The following EXD1 variants were observed in gnomAD, a reference collection of about 807,000 sequenced individuals.
EXD1 encodes piRNA biogenesis protein EXD1.
EXD1 carries 63 observed loss-of-function variants against 49.1 expected under a neutral mutation model. That is an observed-to-expected ratio of 1.28 (90% CI 1.05 to 1.58). The LOEUF (loss-of-function observed/expected upper bound fraction) is 1.58. Ranked by LOEUF, EXD1 falls within the 40% of genes most tolerant of loss-of-function variation. EXD1 has a pLI of 0.00. For missense variants in EXD1, 748 were observed against 666.0 expected, an observed-to-expected ratio of 1.12 and a Z score of -1.36; for synonymous variants, 234 against 239.2, an observed-to-expected ratio of 0.98 and a Z score of 0.20.
In EXD1 at chr15:41,212,324, G is replaced by A. The variant is rs1435634444; in HGVS notation, c.448-2737C>T. ...AAAAAAATAAGCCGGGCGTGGTGGCGGGCACCTGTAGTCCCAGCTACTCAG... is the reference window on the plus strand; with the variant it reads ...AAAAAAATAAGCCGGGCGTGGTGGCAGGCACCTGTAGTCCCAGCTACTCAG... On this transcript the variant is annotated intron_variant, in intron 6 of 11. Coordinates refer to ENST00000458580, the MANE Select transcript of EXD1 (RefSeq NM_001286441.2). Among the ~76,000 whole-genome samples, 13 of 151,836 alleles carry A rather than the reference G, an allele frequency of 8.6e-5. No individual in the cohort carries two copies. The South Asian group carries it at 2.1e-3, about 24-fold the overall frequency.
chr15:41,195,708 C>A, intron 9 of EXD1, 67 bp downstream of exon 9: 6 of 1,228,870 alleles, frequency 4.9e-6, no homozygotes, highest in East Asian at 2.6e-5. Flanking sequence ...ATCAGATGAC[C>A]AGATGAGCCC....
chr15:41,193,872 C>G (rs1053425352), intron 9 of EXD1, among the ~76,000 whole-genome samples: 2 of 151,898 alleles, frequency 1.3e-5, no homozygotes, highest in African/African-American at 4.8e-5. Flanking sequence ...CCAAAGATAA[C>G]TTCTTCATAA....
At chr15:41,189,073 G>C (rs574847254) in intron 11 of EXD1, among the ~76,000 whole-genome samples, 1 of 151,814 alleles carries the variant, frequency 6.6e-6, no homozygotes, top group Non-Finnish European at 1.5e-5. Context: ...TGCTGCATAA[G>C]AATAAATATG....
rs1338203660 is a variant in EXD1, at chr15:41,219,610, T to A, written c.202+220A>T. On this transcript the variant is annotated intron_variant, in intron 3 of 11. Coordinates refer to ENST00000458580, the MANE Select transcript of EXD1 (RefSeq NM_001286441.2). ...ATTCCTAACTGCCTGCTGGTCCGAG[T>A]CCGTAGTGATAAGCACCAGCACACC... 5.4e-5 allele frequency: 22 copies of A among 409,418 alleles called. 1 individual carries two copies. The highest frequency in any genetic ancestry group is 8.6e-5 in the Non-Finnish European group (20 of 232,126). 25.4% of individuals were successfully genotyped at this position (409,418 alleles called of 1,614,324 possible).
chr15:41,193,623 C>G (rs973467707), intron 9 of EXD1, among the ~76,000 whole-genome samples: 1 of 151,902 alleles, frequency 6.6e-6, no homozygotes, highest in Non-Finnish European at 1.5e-5. Context: ...ACCTGTAGTC[C>G]CAGCTACTTG....
Position 41,195,854 on chromosome 15 carries a change from A to T in EXD1, c.641T>A (p.Val214Asp), listed in dbSNP as rs1407626864. 6.2e-7 allele frequency: 1 copy of T among 1,613,486 alleles called. No homozygotes were observed. Among genetic ancestry groups the T allele is most frequent in the Admixed American group, 1.7e-5 (1 of 59,728 alleles). The change falls in exon 9 of 12, where the codon GTT (valine) becomes GAT (aspartate). Residue 214 changes from valine (V) to aspartate (D), a missense_variant and splice_region_variant. Val to Asp is a radical substitution (Grantham distance 152). Transcript: ENST00000458580. ...MILEDKRILK[V>D]IHDCRWLSDC... Reference sequence around the variant, plus strand: ...AGAAAGCCAACGACAATCATGGATAACCTAAGGAATCAGAAGGAAACAGTC... The same window carrying T: ...AGAAAGCCAACGACAATCATGGATATCCTAAGGAATCAGAAGGAAACAGTC...
intron 7 of EXD1, among the ~76,000 whole-genome samples, chr15:41,207,786 A>AG (rs1462830938): frequency 6.6e-6 from 1 of 151,926 alleles, no homozygotes; most frequent in African/African-American, 2.4e-5. Context: ...TGAGGTGGGC[A>AG]GATCACCTGA....
intron 3 of EXD1, among the ~76,000 whole-genome samples, chr15:41,218,092 C>T (rs1051492347): frequency 2.6e-5 from 4 of 152,150 alleles, no homozygotes; most frequent in African/African-American, 7.2e-5. Context: ...AGCCTATAAT[C>T]CCAGCACTCT....
chr15:41,199,757 T>TATATAATATATC (rs770690755), intron 7 of EXD1, among the ~76,000 whole-genome samples: 30,166 of 86,780 alleles, frequency 0.35, 7,929 homozygotes, highest in African/African-American at 0.53. Flanking sequence ...TTATATATGA[T>TATATAATATATC]ACATATATGA....
chr15:41,192,616 T>A (rs1191625330), intron 9 of EXD1, among the ~76,000 whole-genome samples: 42 of 93,290 alleles, frequency 4.5e-4, no homozygotes, highest in African/African-American at 1.6e-3. Flanking sequence ...TTTTTTTTTT[T>A]TTTTTTTTTT....
At chr15:41,216,421 C>A (rs935888694) in intron 5 of EXD1, among the ~76,000 whole-genome samples, 1 of 151,960 alleles carries the variant, frequency 6.6e-6, no homozygotes, top group Non-Finnish European at 1.5e-5. Flanking sequence ...CACCTGAGGT[C>A]GGGAGTTCGA....
At chr15:41,197,652 C>CT (rs988389569) in intron 7 of EXD1, among the ~76,000 whole-genome samples, 23 of 147,124 alleles carry the variant, frequency 1.6e-4, no homozygotes, top group African/African-American at 2.0e-4. Context: ...GAGACTTTCC[C>CT]TTTTTTTTTT....
At chr15:41,197,372 C>T (rs369947167) in intron 7 of EXD1, among the ~76,000 whole-genome samples, 1 of 151,590 alleles carries the variant, frequency 6.6e-6, no homozygotes, top group Non-Finnish European at 1.5e-5. Context: ...GGACTAAAGG[C>T]ACCTGCCACC....
intron 9 of EXD1, 47 bp downstream of exon 9, chr15:41,195,728 C>T (rs748612099): frequency 2.7e-6 from 4 of 1,454,938 alleles, no homozygotes; most frequent in Non-Finnish European, 3.7e-6. Flanking sequence ...CTTTTATCTA[C>T]AGGAGCTGTA....
rs189295764 is a variant in EXD1, at chr15:41,191,778, G to T, written c.721-193C>A. ...ATGAGAAAAAAAAAACGGAATAAAA[G>T]CTCAATTTTTTTTTTTGAGGTGGAG... On this transcript the variant is annotated intron_variant, in intron 9 of 11. Transcript: ENST00000458580. Among the ~76,000 whole-genome samples the T allele has an allele frequency of 3.3e-5, 5 of 151,780 alleles. No individual in the cohort carries two copies. In the East Asian group the frequency reaches 9.7e-4, roughly 29 times the overall value.
At position 41,191,447 on chromosome 15, in the gene EXD1, T is replaced by G. The variant is rs1343888142; in HGVS notation, c.859A>C (p.Ile287Leu). 22 of 1,603,876 alleles carry G rather than the reference T, an allele frequency of 1.4e-5. No individual in the cohort carries two copies. Among genetic ancestry groups the G allele is most frequent in the Middle Eastern group, 3.3e-4 (2 of 6,066 alleles). The part of the protein sequence containing the change: ...LSFLEKRQKL[I>L]QENPEVWFIR... Reference sequence around the variant, plus strand: ...AGGACATCCTTTACACCCACCTGAATTAGTTTTTGTCTCTTTTCTAGAAAG... The same window carrying G: ...AGGACATCCTTTACACCCACCTGAAGTAGTTTTTGTCTCTTTTCTAGAAAG... The change falls in exon 10 of 12, where the codon ATT becomes CTT. Residue 287 changes from isoleucine to leucine, a missense_variant. Coordinates refer to ENST00000458580, the MANE Select transcript of EXD1 (RefSeq NM_001286441.2).
In EXD1 at chr15:41,191,487, G is replaced by C; in HGVS notation, c.819C>G (p.Ala273=). 3 of 1,612,854 alleles carry C rather than the reference G, an allele frequency of 1.9e-6. No homozygotes were observed. The highest frequency in any genetic ancestry group is 1.7e-6 in the Non-Finnish European group (2 of 1,179,016). The change falls in exon 10 of 12, where the codon GCC becomes GCG. Residue 273 remains alanine (A), a synonymous_variant. Coordinates refer to ENST00000458580, the MANE Select transcript of EXD1 (RefSeq NM_001286441.2). ...TTTCTAGAAAGGAGAGATATTTAGGGGCTACTTGAAGGTGTTTGATTAAAC... is the reference window on the plus strand; with the variant it reads ...TTTCTAGAAAGGAGAGATATTTAGGCGCTACTTGAAGGTGTTTGATTAAAC... ...QESLIKHLQV[A]PKYLSFLEKR...
chr15:41,197,237 T>C (rs891300063), intron 7 of EXD1, among the ~76,000 whole-genome samples: 18 of 150,958 alleles, frequency 1.2e-4, no homozygotes, highest in African/African-American at 4.1e-4. Context: ...TTCTTTTTTT[T>C]TTTTTTTTGA....
In EXD1 at chr15:41,184,490, A is replaced by G; in HGVS notation, c.1160T>C (p.Leu387Pro). ...AREYRVNAQG[L>P]LIRTVLQPKK... is the part of the protein sequence containing the mutation. ...TGGCTGTAGCACTGTCCTTATCAGG[A>G]GTCCCTGTGCATTCACCCTATATTC... The change falls in exon 12 of 12, where the codon CTC (leucine) becomes CCC (proline). Residue 387 changes from leucine (L) to proline (P), a missense_variant. Leu to Pro is a moderately conservative substitution (Grantham distance 98). Coordinates refer to ENST00000458580, the MANE Select transcript of EXD1 (RefSeq NM_001286441.2). 1.9e-6 allele frequency: 3 copies of G among 1,614,086 alleles called. No homozygotes were observed. The highest frequency in any genetic ancestry group is 2.5e-6 in the Non-Finnish European group (3 of 1,180,022).
Sources: allele counts gnomAD v4.1 joint callset (sites outside exome capture counted in the v4.1 genomes callset), GRCh38; gene constraint gnomAD v4.1.1; transcripts MANE v1.5; gene names NCBI Gene and HGNC (gene_info 2026-07-23, HGNC 2026-07-21).